The following KCNQ5 variants were observed in gnomAD, a reference collection of about 807,000 sequenced individuals.
The protein encoded by KCNQ5 is potassium voltage-gated channel subfamily Q member 5, also known as potassium voltage-gated channel subfamily KQT member 5.
In KCNQ5, 30 loss-of-function variants were observed where a neutral mutation model predicts 98.2. That is an observed-to-expected ratio of 0.31 (90% CI 0.23 to 0.41). The LOEUF (loss-of-function observed/expected upper bound fraction) is 0.41. Ranked by LOEUF, KCNQ5 falls within the 10% of genes least tolerant of loss-of-function variation. The probability of loss-of-function intolerance (pLI) is 1.00; values close to 1 mark genes in which losing one functional copy is unlikely to be tolerated. For missense variants in KCNQ5, 835 were observed against 1,182.5 expected, an observed-to-expected ratio of 0.71 and a Z score of 4.31; for synonymous variants, 458 against 449.4, an observed-to-expected ratio of 1.02 and a Z score of -0.24.
chr6:73,182,901 C>T (rs1203741230), intron 11 of KCNQ5, among the ~76,000 whole-genome samples: 2 of 152,120 alleles, frequency 1.3e-5, no homozygotes. Flanking sequence ...AAGCAGACAG[C>T]CCCTAAAATT....
At chr6:72,854,431 GAAA>G (rs11321661) in intron 1 of KCNQ5, among the ~76,000 whole-genome samples, 2 of 150,856 alleles carry the variant, frequency 1.3e-5, no homozygotes, top group African/African-American at 2.4e-5. Flanking sequence ...AGCTTTATTA[GAAA>G]AAAAATTTCT....
At chr6:72,922,655 C>A (rs372773707) in intron 1 of KCNQ5, among the ~76,000 whole-genome samples, 1 of 152,020 alleles carries the variant, frequency 6.6e-6, no homozygotes, top group Non-Finnish European at 1.5e-5. Flanking sequence ...TGAGATCATG[C>A]GGTATTTGCT....
chr6:73,081,155 A>G (rs1343391882), intron 5 of KCNQ5, among the ~76,000 whole-genome samples: 2 of 152,214 alleles, frequency 1.3e-5, no homozygotes, highest in Non-Finnish European at 2.9e-5. Context: ...CACAGTTTGA[A>G]CACAGAAGAG....
chr6:72,628,685 C>T (rs1407062054), intron 1 of KCNQ5, among the ~76,000 whole-genome samples: 2 of 152,148 alleles, frequency 1.3e-5, no homozygotes, highest in Non-Finnish European at 2.9e-5. Context: ...TCTCAGCTCA[C>T]TCCAACCTCA....
chr6:72,916,365 T>A (rs1780136086), intron 1 of KCNQ5, among the ~76,000 whole-genome samples: 2 of 152,198 alleles, frequency 1.3e-5, no homozygotes, highest in African/African-American at 2.4e-5. Flanking sequence ...TTAGTTGATA[T>A]TAGCTCATGC....
chr6:73,000,201 C>T (rs1209746561), intron 1 of KCNQ5, among the ~76,000 whole-genome samples: 1 of 152,200 alleles, frequency 6.6e-6, no homozygotes, highest in Admixed American at 6.5e-5. Flanking sequence ...CTCACTATGT[C>T]ACTGCCAATC....
intron 2 of KCNQ5, among the ~76,000 whole-genome samples, chr6:73,037,580 A>T (rs1406143949): frequency 1.3e-5 from 2 of 152,104 alleles, no homozygotes; most frequent in Non-Finnish European, 2.9e-5. Flanking sequence ...TTGCCTATAG[A>T]TGTCCAATTT....
At chr6:73,045,791 G>A (rs1562145528) in intron 3 of KCNQ5, among the ~76,000 whole-genome samples, 1 of 152,022 alleles carries the variant, frequency 6.6e-6, no homozygotes, top group Non-Finnish European at 1.5e-5. Flanking sequence ...GCTTTTTTTA[G>A]ATTCCTTGGT....
At chr6:72,888,231 A>G (rs562073938) in intron 1 of KCNQ5, among the ~76,000 whole-genome samples, 1 of 152,316 alleles carries the variant, frequency 6.6e-6, no homozygotes, top group South Asian at 2.1e-4. Flanking sequence ...AGTACAAGGA[A>G]GGTTTTTCGG....
chr6:72,747,167 G>A (rs1407212359), intron 1 of KCNQ5, among the ~76,000 whole-genome samples: 1 of 151,986 alleles, frequency 6.6e-6, no homozygotes, highest in African/African-American at 2.4e-5. Flanking sequence ...ACAAACCTCA[G>A]GGGTTATGGC....
At chr6:73,095,100 G>A (rs1488220071) in intron 5 of KCNQ5, among the ~76,000 whole-genome samples, 2 of 152,138 alleles carry the variant, frequency 1.3e-5, no homozygotes, top group Admixed American at 6.5e-5. Context: ...CAGACTTCTT[G>A]GAGGCTGTGT....
Position 72,809,299 on chromosome 6 carries a change from G to GAGTT in KCNQ5, c.398+186716_398+186719dup, listed in dbSNP as rs1182397435. Among the ~76,000 whole-genome samples the GAGTT allele has an allele frequency of 2.0e-5, 3 of 149,488 alleles. No individual in the cohort carries two copies. The East Asian group carries it at 6.0e-4, about 30-fold the overall frequency. ...GGAGATATACCTAATGCTAGATGAC[G>GAGTT]AGTTAGTGGGTGCAGCACACCAGCA... On this transcript the variant is annotated intron_variant, in intron 1 of 13. Coordinates refer to ENST00000370398, the MANE Select transcript of KCNQ5 (RefSeq NM_019842.4).
At chr6:72,955,032 G>T (rs902261575) in intron 1 of KCNQ5, among the ~76,000 whole-genome samples, 1 of 152,228 alleles carries the variant, frequency 6.6e-6, no homozygotes, top group Non-Finnish European at 1.5e-5. Context: ...GATAGGAGAA[G>T]TCTCTTGGCA....
chr6:72,756,110 G>A (rs1771955826), intron 1 of KCNQ5, among the ~76,000 whole-genome samples: 1 of 152,156 alleles, frequency 6.6e-6, no homozygotes, highest in Non-Finnish European at 1.5e-5. Flanking sequence ...AGAAATTTGT[G>A]AAACTTTTAG....
chr6:73,170,012 C>T (rs954081055), intron 11 of KCNQ5, among the ~76,000 whole-genome samples, 158 bp downstream of exon 11: 1 of 152,140 alleles, frequency 6.6e-6, no homozygotes, highest in Non-Finnish European at 1.5e-5. Context: ...ATATTTGTTT[C>T]TTAATACAAA....
intron 1 of KCNQ5, among the ~76,000 whole-genome samples, chr6:72,716,628 G>A (rs1033184018): frequency 6.6e-6 from 1 of 152,058 alleles, no homozygotes; most frequent in Non-Finnish European, 1.5e-5. Context: ...AGGTAAGACT[G>A]GTTTAGTGAC....
At chr6:72,994,584 G>T (rs1028843431) in intron 1 of KCNQ5, among the ~76,000 whole-genome samples, 1 of 149,686 alleles carries the variant, frequency 6.7e-6, no homozygotes, top group Admixed American at 6.7e-5. Context: ...AGATGAACCC[G>T]GTACCTCAGA....
intron 1 of KCNQ5, among the ~76,000 whole-genome samples, chr6:72,643,641 A>C (rs563772527): frequency 6.6e-6 from 1 of 152,076 alleles, no homozygotes; most frequent in Non-Finnish European, 1.5e-5. Flanking sequence ...CAAATATTTC[A>C]AATTTTCAAA....
chr6:73,082,990 G>A (rs914370516), intron 5 of KCNQ5, among the ~76,000 whole-genome samples: 12 of 148,782 alleles, frequency 8.1e-5, no homozygotes, highest in South Asian at 2.1e-4. Context: ...TCCCAGGTTC[G>A]AGCAGCCCTC....
Sources: gnomAD v4.1 joint callset for allele counts (sites outside exome capture counted in the v4.1 genomes callset) on GRCh38, gnomAD v4.1.1 for gene constraint, MANE v1.5 for transcripts, NCBI Gene and HGNC (gene_info 2026-07-23, HGNC 2026-07-21) for gene names.